The following RBMS3 variants were observed in gnomAD, a reference collection of about 807,000 sequenced individuals.
The protein encoded by RBMS3 is RNA binding motif single stranded interacting protein 3, also known as RNA-binding motif, single-stranded-interacting protein 3.
RBMS3 carries 27 observed loss-of-function variants against 66.8 expected under a neutral mutation model. The ratio of observed to expected loss-of-function variants is 0.40; its 90% CI spans 0.30 to 0.56. RBMS3 has a LOEUF of 0.56. Ranked by LOEUF, RBMS3 falls within the 20% of genes least tolerant of loss-of-function variation. The pLI is 0.40. For synonymous variants in RBMS3, 188 were observed against 183.0 expected (o/e 1.03, Z -0.22); for missense variants, 513 against 549.5 (o/e 0.93, Z 0.66).
chr3:29,738,008 G>A (rs1453615258), intron 4 of RBMS3, among the ~76,000 whole-genome samples: 1 of 151,812 alleles, frequency 6.6e-6, no homozygotes. Flanking sequence ...TATTTCCCAC[G>A]GTGCTAAAAA....
chr3:29,479,452 C>T (rs1048717982), intron 2 of RBMS3, among the ~76,000 whole-genome samples: 1 of 151,926 alleles, frequency 6.6e-6, no homozygotes, highest in Non-Finnish European at 1.5e-5. Context: ...AAGCTCTATA[C>T]TGATCTGGGC....
intron 4 of RBMS3, among the ~76,000 whole-genome samples, chr3:29,714,579 G>A (rs537137585): frequency 2.4e-4 from 36 of 152,140 alleles, no homozygotes; most frequent in Non-Finnish European, 4.1e-4. Flanking sequence ...ATCACAGGTA[G>A]GAGAAGGAAG....
chr3:29,452,689 C>T (rs768584380), intron 2 of RBMS3, among the ~76,000 whole-genome samples: 5 of 152,104 alleles, frequency 3.3e-5, no homozygotes, highest in Non-Finnish European at 7.4e-5. Flanking sequence ...AATTATTTGA[C>T]ATTTATTTGC....
At chr3:29,732,086 C>T (rs557209517) in intron 4 of RBMS3, among the ~76,000 whole-genome samples, 3 of 152,160 alleles carry the variant, frequency 2.0e-5, no homozygotes, top group African/African-American at 7.2e-5. Context: ...CTATCTTACC[C>T]CTCCCCTCTT....
At chr3:29,843,880 G>A (rs776064930) in intron 6 of RBMS3, among the ~76,000 whole-genome samples, 2 of 151,826 alleles carry the variant, frequency 1.3e-5, no homozygotes, top group South Asian at 2.1e-4. Flanking sequence ...ACCGGGAAGC[G>A]GGCAGAGGTT....
chr3:29,897,189 A>C (rs1040229736), intron 8 of RBMS3, among the ~76,000 whole-genome samples, 190 bp from the exon 9 acceptor site: 2 of 151,608 alleles, frequency 1.3e-5, no homozygotes, highest in African/African-American at 4.8e-5. Flanking sequence ...ACTCCAAGTC[A>C]TTTCATTCGG....
At chr3:29,681,478 A>T (rs1379042789) in intron 4 of RBMS3, among the ~76,000 whole-genome samples, 4 of 151,608 alleles carry the variant, frequency 2.6e-5, no homozygotes, top group Non-Finnish European at 5.9e-5. Flanking sequence ...TCCATTAGCT[A>T]GTCTTCCTTA....
At chr3:29,349,459 AC>A (rs1309950764) in intron 1 of RBMS3, among the ~76,000 whole-genome samples, 1 of 152,188 alleles carries the variant, frequency 6.6e-6, no homozygotes. Flanking sequence ...GGGACCAATC[AC>A]AGTTCACTTT....
At chr3:29,941,435 T>C (rs891962443) in intron 11 of RBMS3, among the ~76,000 whole-genome samples, 1 of 151,810 alleles carries the variant, frequency 6.6e-6, no homozygotes, top group Admixed American at 6.6e-5. Flanking sequence ...TAAATGGTAA[T>C]GGGTACATCT....
intron 6 of RBMS3, among the ~76,000 whole-genome samples, chr3:29,769,023 T>G (rs1040245833): frequency 2.0e-5 from 3 of 151,886 alleles, no homozygotes; most frequent in African/African-American, 7.3e-5. Flanking sequence ...TTCACTTCAC[T>G]AAAATAGTAA....
chr3:29,340,204 TTAAAA>T (rs2036204250), intron 1 of RBMS3, among the ~76,000 whole-genome samples: 1 of 152,114 alleles, frequency 6.6e-6, no homozygotes. Context: ...AGGCTTCTGG[TTAAAA>T]CAACAACAAC....
chr3:29,993,336 G>A (rs1408942022), intron 14 of RBMS3, among the ~76,000 whole-genome samples: 6 of 149,946 alleles, frequency 4.0e-5, no homozygotes, highest in African/African-American at 1.5e-4. Context: ...GGTTATATGT[G>A]GGGAAAGGAG....
chr3:29,561,204 G>A (rs1036680813), intron 3 of RBMS3, among the ~76,000 whole-genome samples: 6 of 152,116 alleles, frequency 3.9e-5, no homozygotes, highest in African/African-American at 1.4e-4. Context: ...GAACATACAT[G>A]TGCATGTGTC....
At chr3:29,419,739 G>T (rs2040624680) in intron 1 of RBMS3, among the ~76,000 whole-genome samples, 1 of 152,140 alleles carries the variant, frequency 6.6e-6, no homozygotes, top group Non-Finnish European at 1.5e-5. Context: ...TATGATGTTG[G>T]CTATAGGGAG....
At chr3:29,694,544 T>G (rs183638322) in intron 4 of RBMS3, among the ~76,000 whole-genome samples, 13 of 152,352 alleles carry the variant, frequency 8.5e-5, no homozygotes, top group African/African-American at 3.1e-4. Flanking sequence ...GGATTCACTG[T>G]TAGCAAAGAC....
intron 1 of RBMS3, among the ~76,000 whole-genome samples, chr3:29,401,329 C>A (rs2039800360): frequency 6.6e-6 from 1 of 152,088 alleles, no homozygotes; most frequent in Admixed American, 6.6e-5. Flanking sequence ...ATCATTAATA[C>A]AGTGAAGTTA....
Position 29,896,814 on chromosome 3 carries a change from G to T in RBMS3, c.792-565G>T, listed in dbSNP as rs118104453. 8.6e-5 allele frequency among the ~76,000 whole-genome samples: 13 copies of T among 151,646 alleles called. No homozygotes were observed. The East Asian group carries it at 2.5e-3, about 30-fold the overall frequency. ...AGAGTCTATAGGAGCCTATCACATA[G>T]GTTCAGTGTCTCTGCCAGTGCCTTG... is the stretch of plus-strand genomic sequence containing the variant. On this transcript the variant is annotated intron_variant, in intron 8 of 14. Transcript: ENST00000383767.
chr3:29,705,304 C>T (rs1412779275), intron 4 of RBMS3, among the ~76,000 whole-genome samples: 1 of 152,136 alleles, frequency 6.6e-6, no homozygotes, highest in Non-Finnish European at 1.5e-5. Flanking sequence ...TCCAATTTAC[C>T]TTTGGACCAG....
At chr3:29,606,442 C>G (rs2048323858) in intron 4 of RBMS3, among the ~76,000 whole-genome samples, 1 of 151,742 alleles carries the variant, frequency 6.6e-6, no homozygotes, top group Admixed American at 6.6e-5. Context: ...TTACTGGATC[C>G]CAGAGGATTT....
Sources: allele counts gnomAD v4.1 joint callset (sites outside exome capture counted in the v4.1 genomes callset), GRCh38; gene constraint gnomAD v4.1.1; transcripts MANE v1.5; gene names NCBI Gene and HGNC (gene_info 2026-07-23, HGNC 2026-07-21).